The following DNAH11 variants were observed in gnomAD, a reference collection of about 807,000 sequenced individuals.
The protein encoded by DNAH11 is axonemal beta dynein heavy chain 11.
A neutral mutation model predicts 526.0 loss-of-function variants in DNAH11; 442 were observed. The observed-to-expected ratio is 0.84, with a 90% CI of 0.78 to 0.91. The LOEUF (loss-of-function observed/expected upper bound fraction) is 0.91, where lower values mean the gene tolerates loss of function less well. DNAH11 is among the 40% of genes least tolerant of loss of function. The pLI is 0.00. For synonymous variants in DNAH11, 2,461 were observed against 1,935.9 expected (o/e 1.27, Z -7.12); for missense variants, 6,989 against 5,448.7 (o/e 1.28, Z -8.90).
rs532502442 is a variant in DNAH11 at position 21,784,925 on chromosome 7, G to A, written c.9597+385G>A. Among the ~76,000 whole-genome samples, 21 of 152,280 alleles carry A rather than the reference G, an allele frequency of 1.4e-4. 2 individuals carry two copies. In the East Asian group the frequency reaches 3.9e-3, roughly 28 times the overall value. ...TATTTCCTCTGGAATATAAAGAGTA[G>A]CATTGATGAGAGACCCTCATGGAAA... is the stretch of plus-strand genomic sequence containing the variant. On this transcript the variant is annotated intron_variant, in intron 58 of 81. Coordinates refer to ENST00000409508, the MANE Select transcript of DNAH11 (RefSeq NM_001277115.2).
intron 61 of DNAH11, among the ~76,000 whole-genome samples, chr7:21,790,466 AG>A (rs1390887890): frequency 6.6e-6 from 1 of 152,182 alleles, no homozygotes; most frequent in Non-Finnish European, 1.5e-5. Flanking sequence ...CAAAAAGAAA[AG>A]AAAATATTTT....
chr7:21,792,563 A>G (rs10235795), intron 61 of DNAH11, among the ~76,000 whole-genome samples: 20,984 of 151,992 alleles, frequency 0.14, 2,135 homozygotes, highest in East Asian at 0.35. Flanking sequence ...TATTGCTTCA[A>G]TCTCATTACT....
intron 74 of DNAH11, among the ~76,000 whole-genome samples, chr7:21,875,475 C>T (rs1583800540): frequency 6.6e-6 from 1 of 152,096 alleles, no homozygotes; most frequent in African/African-American, 2.4e-5. Flanking sequence ...TGTGGACACT[C>T]TCCCCAGGGA....
intron 14 of DNAH11, among the ~76,000 whole-genome samples, chr7:21,598,373 G>A (rs918740843): frequency 2.0e-5 from 3 of 152,178 alleles, no homozygotes; most frequent in East Asian, 1.9e-4. Flanking sequence ...AGCACACTGC[G>A]TGCTCAACCT....
At chr7:21,844,532 T>C (rs1258199260) in intron 66 of DNAH11, among the ~76,000 whole-genome samples, 1 of 152,226 alleles carries the variant, frequency 6.6e-6, no homozygotes, top group Non-Finnish European at 1.5e-5. Flanking sequence ...AACAGATACC[T>C]TATGGCCTAC....
rs1784546204 is a variant in DNAH11, at chr7:21,588,344, A to G, written c.1848+143A>G. The G allele has an allele frequency of 6.0e-6, 8 of 1,325,944 alleles. No individual in the cohort carries two copies. In the East Asian group the frequency reaches 1.9e-4, roughly 31 times the overall value. 82.1% of individuals were successfully genotyped at this position (1,325,944 alleles called of 1,614,324 possible). On this transcript the variant is annotated intron_variant, in intron 10 of 81. Coordinates refer to ENST00000409508, the MANE Select transcript of DNAH11 (RefSeq NM_001277115.2). Reference sequence around the variant, plus strand: ...TTTTATTTAACTGGTTTCCTCATGGAGATGGTAAACTTGCTTTAGGACTGT... The same window carrying G: ...TTTTATTTAACTGGTTTCCTCATGGGGATGGTAAACTTGCTTTAGGACTGT...
At chr7:21,817,897 A>G (rs1789872582) in intron 64 of DNAH11, among the ~76,000 whole-genome samples, 1 of 152,218 alleles carries the variant, frequency 6.6e-6, no homozygotes, top group South Asian at 2.1e-4. Flanking sequence ...AGAGCCATCA[A>G]ATGAATTTAA....
intron 52 of DNAH11, among the ~76,000 whole-genome samples, 197 bp from the exon 53 acceptor site, chr7:21,749,481 C>T (rs908906665): frequency 3.3e-5 from 5 of 152,120 alleles, no homozygotes; most frequent in African/African-American, 9.7e-5. Context: ...CTCAACCTTA[C>T]GAGTCAGCAA....
At chr7:21,619,927 T>A in intron 24 of DNAH11, 29 bp from the exon 25 acceptor site, 1 of 1,377,710 alleles carries the variant, frequency 7.3e-7, no homozygotes, top group Non-Finnish European at 9.9e-7. Flanking sequence ...TTAAATTTTG[T>A]GCACATTAAT....
chr7:21,854,568 G>A (rs910270437), intron 68 of DNAH11, 113 bp downstream of exon 68: 8 of 1,170,478 alleles, frequency 6.8e-6, no homozygotes, highest in Middle Eastern at 2.9e-4. Context: ...TACTATTATT[G>A]AGACAGAGTC....
At chr7:21,781,762 A>ATG (rs1787950388) in intron 57 of DNAH11, among the ~76,000 whole-genome samples, 1 of 152,182 alleles carries the variant, frequency 6.6e-6, no homozygotes. Context: ...AAAATACCAC[A>ATG]TGGGGTATTT....
chr7:21,731,488 C>T (rs1583638208), intron 45 of DNAH11, among the ~76,000 whole-genome samples: 2 of 152,170 alleles, frequency 1.3e-5, no homozygotes, highest in Non-Finnish European at 2.9e-5. Context: ...GACCTAGATA[C>T]ACCAATATCA....
At chr7:21,859,100 A>G (rs903635870) in intron 68 of DNAH11, among the ~76,000 whole-genome samples, 4 of 152,026 alleles carry the variant, frequency 2.6e-5, no homozygotes, top group Admixed American at 2.0e-4. Context: ...TGAAACATAC[A>G]TGAATTTTTT....
At chr7:21,591,763 C>T (rs532904698) in intron 14 of DNAH11, among the ~76,000 whole-genome samples, 186 bp downstream of exon 14, 1 of 152,322 alleles carries the variant, frequency 6.6e-6, no homozygotes, top group South Asian at 2.1e-4. Context: ...GCCCTCACCA[C>T]TGTCATTCCT....
chr7:21,573,815 C>G (rs1476223718), intron 8 of DNAH11, among the ~76,000 whole-genome samples: 1 of 152,146 alleles, frequency 6.6e-6, no homozygotes, highest in Non-Finnish European at 1.5e-5. Flanking sequence ...GCTTATATAA[C>G]AGGGAAGTGT....
intron 65 of DNAH11, among the ~76,000 whole-genome samples, chr7:21,838,815 G>A (rs961985642): frequency 2.0e-5 from 3 of 150,744 alleles, no homozygotes; most frequent in African/African-American, 5.0e-5. Flanking sequence ...CGGCAGCCTC[G>A]ACCTCCCAAG....
chr7:21,873,289 G>C lies in DNAH11; in HGVS notation c.11983G>C (p.Ala3995Pro), dbSNP rs759909768. ...TATCTTTCAGAATGTTCATTTGGTA[G>C]CCAAGTGGCTAGGAACCTTGGAGAA... Reference protein sequence around the residue: ...WVILQNVHLVAKWLGTLEKLL... With the variant: ...WVILQNVHLVPKWLGTLEKLL... The change falls in exon 74 of 82, where the codon GCC (alanine) becomes CCC (proline). Residue 3995 changes from alanine to proline, a missense_variant. Coordinates refer to ENST00000409508, the MANE Select transcript of DNAH11 (RefSeq NM_001277115.2). The C allele has an allele frequency of 1.3e-5, 21 of 1,593,414 alleles. No individual in the cohort carries two copies. The East Asian group carries it at 4.5e-4, about 34-fold the overall frequency.
At chr7:21,834,282 TA>T (rs1241073838) in intron 65 of DNAH11, among the ~76,000 whole-genome samples, 2 of 151,994 alleles carry the variant, frequency 1.3e-5, no homozygotes, top group African/African-American at 4.8e-5. Context: ...AAAAGGAAAT[TA>T]AAATAGATTT....
At position 21,581,897 on chromosome 7, in the gene DNAH11, T is replaced by C. The variant is rs2128440889; in HGVS notation, c.1594-8T>C. 1.3e-6 allele frequency: 2 copies of C among 1,563,742 alleles called. No individual in the cohort carries two copies. Among genetic ancestry groups the C allele is most frequent in the African/African-American group, 2.7e-5 (2 of 73,730 alleles). Reference sequence around the variant, plus strand: ...CAATATACTAATATTTCACTTTGAATTTTACAGGAGTTTGAAAGTGATTAT... The same window carrying C: ...CAATATACTAATATTTCACTTTGAACTTTACAGGAGTTTGAAAGTGATTAT... On this transcript the variant is annotated splice_region_variant and splice_polypyrimidine_tract_variant and intron_variant, in intron 8 of 81. Transcript: ENST00000409508.
Sources: allele counts gnomAD v4.1 joint callset (sites outside exome capture counted in the v4.1 genomes callset), GRCh38; gene constraint gnomAD v4.1.1; transcripts MANE v1.5; gene names NCBI Gene and HGNC (gene_info 2026-07-23, HGNC 2026-07-21).